The following BAZ1B variants were observed in gnomAD, a reference collection of about 807,000 sequenced individuals.
BAZ1B encodes the protein tyrosine-protein kinase BAZ1B.
In BAZ1B, 22 loss-of-function variants were observed where a neutral mutation model predicts 153.8. That is an observed-to-expected ratio of 0.14 (90% CI 0.10 to 0.20). BAZ1B has a LOEUF of 0.20. Among genes scored for constraint, BAZ1B ranks in the 10% least tolerant of loss-of-function variants. The probability of loss-of-function intolerance (pLI) is 1.00; values close to 1 mark genes in which losing one functional copy is unlikely to be tolerated. For synonymous variants in BAZ1B, 676 were observed against 633.4 expected (o/e 1.07, Z -1.01); for missense variants, 1,325 against 1,799.3 (o/e 0.74, Z 4.77).
At chr7:73,497,317 G>A (rs1239361578) in intron 4 of BAZ1B, among the ~76,000 whole-genome samples, 2 of 152,114 alleles carry the variant, frequency 1.3e-5, no homozygotes, top group Non-Finnish European at 2.9e-5. Context: ...TAAAATGACT[G>A]AGGTCACTTC....
intron 9 of BAZ1B, among the ~76,000 whole-genome samples, chr7:73,468,572 T>C (rs1788680834): frequency 1.3e-5 from 2 of 152,180 alleles, no homozygotes; most frequent in African/African-American, 2.4e-5. Flanking sequence ...AATATGGATA[T>C]ATATTCAGAA....
rs552929013 is a variant in BAZ1B at position 73,444,067 on chromosome 7, G to A, written c.3907C>T (p.Arg1303Trp). 5 of 1,613,576 alleles carry A rather than the reference G, an allele frequency of 3.1e-6. No individual in the cohort carries two copies. The highest frequency in any genetic ancestry group is 1.3e-5 in the African/African-American group (1 of 75,016). Residue 1303 changes from arginine to tryptophan, a missense_variant, in exon 17 of 20, where the codon CGG (arginine) becomes TGG (tryptophan). Coordinates refer to ENST00000339594, the MANE Select transcript of BAZ1B (RefSeq NM_032408.4). The part of the protein sequence containing the change: ...SVIPPAARSG[R>W]RPGKKPHSTR... The stretch of plus-strand genomic sequence containing the variant: ...GAGTGTGGCTTCTTACCCGGGCGCC[G>A]GCCTGACCTTGCTGCAGGGGGGATG...
At chr7:73,442,647 AG>A in intron 18 of BAZ1B, 77 bp downstream of exon 18, 1 of 1,555,514 alleles carries the variant, frequency 6.4e-7, no homozygotes, top group South Asian at 1.2e-5. Flanking sequence ...CTTGGCTGAG[AG>A]CCCCTCAGGG....
At chr7:73,469,047 T>C (rs1440875936) in intron 9 of BAZ1B, among the ~76,000 whole-genome samples, 1 of 151,756 alleles carries the variant, frequency 6.6e-6, no homozygotes, top group African/African-American at 2.4e-5. Flanking sequence ...GGAGAAGTGT[T>C]TGAACCCAGG....
At chr7:73,466,894 G>C (rs1228240802) in intron 9 of BAZ1B, among the ~76,000 whole-genome samples, 1 of 152,102 alleles carries the variant, frequency 6.6e-6, no homozygotes, top group African/African-American at 2.4e-5. Context: ...ATTTATCAAA[G>C]CCTATCTTAG....
chr7:73,479,160 A>C (rs1789104535), intron 6 of BAZ1B, among the ~76,000 whole-genome samples: 1 of 151,664 alleles, frequency 6.6e-6, no homozygotes, highest in Admixed American at 6.6e-5. Flanking sequence ...TCATAGATAA[A>C]GACACCTCCT....
In BAZ1B at chr7:73,508,342, T is replaced by C; in HGVS notation, c.354A>G (p.Glu118=). 6.2e-7 allele frequency: 1 copy of C among 1,613,866 alleles called. No individual in the cohort carries two copies. The highest frequency in any genetic ancestry group is 2.2e-5 in the East Asian group (1 of 44,874). ...AGGCACTCACCTCGAAGTCACACTC[T>C]TCTCCCACAGCATATTTGGTCATGA... is the stretch of plus-strand genomic sequence containing the variant. The part of the protein sequence containing the change: ...LEIMTKYAVG[E]ECDFEVGKEK... Residue 118 remains glutamate (E), a synonymous_variant, in exon 3 of 20, where the codon GAA becomes GAG. Transcript: ENST00000339594.
chr7:73,522,242 A>G lies in BAZ1B; in HGVS notation c.-309T>C. On this transcript the variant is annotated 5_prime_UTR_variant, in exon 1 of 20. Transcript: ENST00000339594. ...TCAGCAGCACCGGAGGAAATTATTG[A>G]AAAATGGCGGGAGATTCCCCTCCTC... 2.6e-6 allele frequency: 1 copy of G among 379,360 alleles called. No homozygotes were observed. Among genetic ancestry groups the G allele is most frequent in the African/African-American group, 2.1e-5 (1 of 47,772 alleles). 23.5% of individuals were successfully genotyped at this position (379,360 alleles called of 1,614,324 possible).
intron 1 of BAZ1B, among the ~76,000 whole-genome samples, chr7:73,521,531 G>T (rs1448917775): frequency 6.6e-6 from 1 of 152,184 alleles, no homozygotes; most frequent in Non-Finnish European, 1.5e-5. Context: ...ACCCGGGGAA[G>T]GTAATGGGGA....
At chr7:73,491,949 C>G (rs1789662105) in intron 5 of BAZ1B, among the ~76,000 whole-genome samples, 2 of 150,754 alleles carry the variant, frequency 1.3e-5, no homozygotes, top group South Asian at 4.2e-4. Context: ...AGTAACATTC[C>G]ATATTTCTTA....
chr7:73,459,005 T>C (rs775173504), intron 13 of BAZ1B, among the ~76,000 whole-genome samples: 9 of 152,110 alleles, frequency 5.9e-5, no homozygotes, highest in Admixed American at 1.3e-4. Flanking sequence ...TCCCAGCACA[T>C]TGGGAGGCCG....
At chr7:73,510,656 C>T (rs1312085266) in intron 2 of BAZ1B, 80 bp downstream of exon 2, 2 of 1,339,452 alleles carry the variant, frequency 1.5e-6, no homozygotes, top group African/African-American at 2.9e-5. Flanking sequence ...CTTAAATACA[C>T]ATACTGCTTT....
intron 4 of BAZ1B, among the ~76,000 whole-genome samples, chr7:73,496,216 G>C (rs781943990): frequency 1.3e-5 from 2 of 152,122 alleles, no homozygotes; most frequent in East Asian, 1.9e-4. Context: ...TCAAGGAATT[G>C]CAAGTAATGC....
rs1554570606 is a variant in BAZ1B, at chr7:73,462,950, A to G, written c.3221T>C (p.Val1074Ala). 6.2e-7 allele frequency: 1 copy of G among 1,614,138 alleles called. No homozygotes were observed. The highest frequency in any genetic ancestry group is 1.7e-5 in the Admixed American group (1 of 60,016). The change falls in exon 12 of 20, where the codon GTG becomes GCG. Residue 1074 changes from valine (V) to alanine (A), a missense_variant. Physicochemically the swap from Val to Ala is moderately conservative, Grantham distance 64. Around this residue, in one of 9 missense-constraint regions of BAZ1B, gnomAD observed 431 missense variants for 563.5 expected, o/e 0.76. Transcript: ENST00000339594. The stretch of plus-strand genomic sequence containing the variant: ...GGCTTCAAATTCTGATGTTTCTTCC[A>G]CATATCCAAGTCCTCCTTTTTGTAA... ...TRLQKGGLGY[V>A]EETSEFEARV... is the part of the protein sequence containing the mutation.
intron 7 of BAZ1B, among the ~76,000 whole-genome samples, chr7:73,473,162 G>C (rs1168599596): frequency 1.3e-5 from 2 of 152,114 alleles, no homozygotes; most frequent in Non-Finnish European, 2.9e-5. Context: ...GAATGGTCTT[G>C]ATCTCCTGAC....
intron 11 of BAZ1B, among the ~76,000 whole-genome samples, chr7:73,463,633 C>T (rs933786479): frequency 1.3e-5 from 2 of 152,110 alleles, no homozygotes; most frequent in Non-Finnish European, 2.9e-5. Flanking sequence ...CTATCAAATG[C>T]TCTGCCCAAA....
intron 1 of BAZ1B, among the ~76,000 whole-genome samples, chr7:73,516,945 C>T (rs540527689): frequency 1.3e-5 from 2 of 152,144 alleles, no homozygotes; most frequent in East Asian, 3.9e-4. Context: ...CTTTGGGAGG[C>T]TGAGGCCGGT....
At chr7:73,520,788 C>G (rs990607862) in intron 1 of BAZ1B, among the ~76,000 whole-genome samples, 1 of 152,174 alleles carries the variant, frequency 6.6e-6, no homozygotes, top group Non-Finnish European at 1.5e-5. Flanking sequence ...CAGAAGCAAG[C>G]AAGAAACTGA....
chr7:73,453,221 C>T (rs1788079094), intron 13 of BAZ1B, among the ~76,000 whole-genome samples: 2 of 152,242 alleles, frequency 1.3e-5, no homozygotes, highest in Admixed American at 6.5e-5. Context: ...AGGCATAATG[C>T]CATTTTAATG....
Sources: allele counts gnomAD v4.1 joint callset (sites outside exome capture counted in the v4.1 genomes callset), GRCh38; gene constraint gnomAD v4.1.1; regional missense constraint gnomAD v4.1.1; transcripts MANE v1.5; gene names NCBI Gene and HGNC (gene_info 2026-07-23, HGNC 2026-07-21).